Variants in PGPEP1L observed in about 807,000 individuals in gnomAD.
The protein encoded by PGPEP1L is pyroglutamyl-peptidase I like.
PGPEP1L carries 7 observed loss-of-function variants against 6.0 expected under a neutral mutation model. That is an observed-to-expected ratio of 1.17 (90% CI 0.66 to 2.19). The LOEUF (loss-of-function observed/expected upper bound fraction) is 2.19. Ranked by LOEUF, PGPEP1L falls within the 30% of genes most tolerant of loss-of-function variation. The probability of loss-of-function intolerance (pLI) is 0.00; values close to 1 mark genes in which losing one functional copy is unlikely to be tolerated. For missense variants in PGPEP1L, 209 were observed against 192.5 expected (o/e 1.09, Z -0.51); for synonymous variants, 103 against 83.9 (o/e 1.23, Z -1.24).
chr15:98,985,203 C>A (rs2017730153), intron 2 of PGPEP1L, among the ~76,000 whole-genome samples: 1 of 152,128 alleles, frequency 6.6e-6, no homozygotes, highest in Non-Finnish European at 1.5e-5. Flanking sequence ...TTCGCTCACC[C>A]TCAGGTCCTC....
chr15:98,985,025 C>T (rs1048030287), intron 2 of PGPEP1L, among the ~76,000 whole-genome samples: 1 of 152,080 alleles, frequency 6.6e-6, no homozygotes, highest in Non-Finnish European at 1.5e-5. Context: ...GTTCTGGTCA[C>T]CACGCACACG....
At chr15:98,987,647 T>C (rs1266075020) in intron 2 of PGPEP1L, among the ~76,000 whole-genome samples, 1 of 152,166 alleles carries the variant, frequency 6.6e-6, no homozygotes, top group African/African-American at 2.4e-5. Flanking sequence ...GTTTTGTAAT[T>C]TTATTGAAAC....
Position 98,982,700 on chromosome 15 carries a change from C to CTTTTTTTTTTTTTTTTTTTTTTT in PGPEP1L, c.-141-11565_-141-11543dup, listed in dbSNP as rs369749842. 7.6e-5 allele frequency among the ~76,000 whole-genome samples: 4 copies of CTTTTTTTTTTTTTTTTTTTTTTT among 52,510 alleles called. 1 individual carries two copies. Among genetic ancestry groups the CTTTTTTTTTTTTTTTTTTTTTTT allele is most frequent in the Admixed American group, 3.0e-4 (1 of 3,310 alleles). 34.4% of individuals were successfully genotyped at this position (52,510 alleles called of 152,430 possible). On this transcript the variant is annotated intron_variant, in intron 2 of 4. Transcript: ENST00000535714. The stretch of plus-strand genomic sequence containing the variant: ...TCACTCTGGTTATTTTTATCTGAGG[C>CTTTTTTTTTTTTTTTTTTTTTTT]TTTTTTTTTTTTTTTTTTTTTTTTT...
At chr15:98,974,261 C>A (rs117321909) in intron 2 of PGPEP1L, among the ~76,000 whole-genome samples, 1,797 of 152,148 alleles carry the variant, frequency 0.012, 13 homozygotes, top group Non-Finnish European at 0.017. Context: ...CGCCTGTAAT[C>A]CCAGCTACTC....
chr15:99,006,296 G>A (rs1309374552), intron 1 of PGPEP1L, among the ~76,000 whole-genome samples: 8 of 152,196 alleles, frequency 5.3e-5, no homozygotes, highest in Non-Finnish European at 1.0e-4. Flanking sequence ...AAGCTTGCTA[G>A]CTCTGTGCTC....
In PGPEP1L at chr15:98,970,559, G is replaced by C. The variant is rs1009173060; in HGVS notation, c.-19+477C>G. Among the ~76,000 whole-genome samples the C allele has an allele frequency of 3.3e-5, 5 of 151,848 alleles. No individual in the cohort carries two copies. In the South Asian group the frequency reaches 1.0e-3, roughly 32 times the overall value. On this transcript the variant is annotated intron_variant, in intron 3 of 4. Coordinates refer to ENST00000535714, the MANE Select transcript of PGPEP1L (RefSeq NM_001167902.2). Reference sequence around the variant, plus strand: ...TCCTTGTTTGGGGTTTTTTTTGGGGGGGTGGGGTTGTATCTGTTTTTTATA... The same window carrying C: ...TCCTTGTTTGGGGTTTTTTTTGGGGCGGTGGGGTTGTATCTGTTTTTTATA...
chr15:98,997,841 C>T (rs1252975157), intron 2 of PGPEP1L, among the ~76,000 whole-genome samples: 4 of 152,114 alleles, frequency 2.6e-5, no homozygotes, highest in African/African-American at 7.2e-5. Flanking sequence ...TCTGGGCCAG[C>T]GAACCTGCTC....
chr15:98,980,480 G>A (rs985763652), intron 2 of PGPEP1L, among the ~76,000 whole-genome samples: 11 of 152,116 alleles, frequency 7.2e-5, no homozygotes, highest in African/African-American at 2.4e-4. Context: ...ATAAGTAAGT[G>A]GGTCCAGGAG....
intron 2 of PGPEP1L, among the ~76,000 whole-genome samples, chr15:99,004,953 G>A (rs1167926134): frequency 1.3e-5 from 2 of 152,034 alleles, no homozygotes; most frequent in Non-Finnish European, 2.9e-5. Flanking sequence ...TACTCTGGAA[G>A]TGGGGACTGT....
intron 2 of PGPEP1L, among the ~76,000 whole-genome samples, chr15:98,995,928 G>A (rs782174668): frequency 2.6e-5 from 4 of 152,106 alleles, no homozygotes; most frequent in Non-Finnish European, 5.9e-5. Flanking sequence ...CTTACCATAT[G>A]TAGTCTTTTG....
At chr15:98,972,222 AAATGCCTGT>A (rs1285624213) in intron 2 of PGPEP1L, among the ~76,000 whole-genome samples, 1 of 152,110 alleles carries the variant, frequency 6.6e-6, no homozygotes, top group Non-Finnish European at 1.5e-5. Flanking sequence ...ATGTGGTGGC[AAATGCCTGT>A]AATCCCAGCT....
chr15:98,997,953 A>G (rs2017910564), intron 2 of PGPEP1L, among the ~76,000 whole-genome samples: 1 of 152,150 alleles, frequency 6.6e-6, no homozygotes, highest in African/African-American at 2.4e-5. Flanking sequence ...CCCAAGTGCC[A>G]AAGACAAGCT....
chr15:98,973,035 A>G (rs2017521527), intron 2 of PGPEP1L, among the ~76,000 whole-genome samples: 1 of 152,186 alleles, frequency 6.6e-6, no homozygotes, highest in Non-Finnish European at 1.5e-5. Context: ...TGCAAACAGA[A>G]ACCAAAAAAC....
intron 2 of PGPEP1L, among the ~76,000 whole-genome samples, chr15:98,978,726 A>ATATATATTTTT (rs1446348988): frequency 1.2e-5 from 1 of 85,254 alleles, no homozygotes; most frequent in African/African-American, 5.1e-5. Flanking sequence ...ATATATATAT[A>ATATATATTTTT]TTTTTTTTTT....
chr15:98,977,352 T>C (rs893098416), intron 2 of PGPEP1L, among the ~76,000 whole-genome samples: 4 of 152,264 alleles, frequency 2.6e-5, no homozygotes. Context: ...TGCTATAATA[T>C]TGTTTAGTGC....
Position 98,968,392 on chromosome 15 carries a change from A to AT in PGPEP1L, c.*85dup. 3 of 1,378,044 alleles carry AT rather than the reference A, an allele frequency of 2.2e-6. No homozygotes were observed. The highest frequency in any genetic ancestry group is 3.0e-6 in the Non-Finnish European group (3 of 999,712). 85.4% of individuals were successfully genotyped at this position (1,378,044 alleles called of 1,614,324 possible). ...TTCCACCCTCTTTGTCTTACAAGCA[A>AT]TTTTTGAAAAAGTTTCTCAATGCAC... is the stretch of plus-strand genomic sequence containing the variant. On this transcript the variant is annotated 3_prime_UTR_variant, in exon 5 of 5. Coordinates refer to ENST00000535714, the MANE Select transcript of PGPEP1L (RefSeq NM_001167902.2).
chr15:98,981,802 T>C (rs2017667669), intron 2 of PGPEP1L, among the ~76,000 whole-genome samples: 1 of 152,242 alleles, frequency 6.6e-6, no homozygotes, highest in Non-Finnish European at 1.5e-5. Context: ...AACTTTTCTG[T>C]ACATATAAAC....
At chr15:98,985,838 G>C (rs1555471425) in intron 2 of PGPEP1L, among the ~76,000 whole-genome samples, 1 of 152,212 alleles carries the variant, frequency 6.6e-6, no homozygotes, top group African/African-American at 2.4e-5. Flanking sequence ...AAGTCATTTT[G>C]AGAATTTATT....
intron 4 of PGPEP1L, 52 bp downstream of exon 4, chr15:98,969,373 G>C: frequency 1.2e-6 from 2 of 1,601,644 alleles, no homozygotes; most frequent in Non-Finnish European, 8.6e-7. Flanking sequence ...GGACGCTGAC[G>C]GCCATTGCTT....
Sources: gnomAD v4.1 joint callset for allele counts (sites outside exome capture counted in the v4.1 genomes callset) on GRCh38, gnomAD v4.1.1 for gene constraint, MANE v1.5 for transcripts, NCBI Gene and HGNC (gene_info 2026-07-23, HGNC 2026-07-21) for gene names.